The following SDCCAG8 variants were observed in gnomAD, a reference collection of about 807,000 sequenced individuals.
The protein encoded by SDCCAG8 is SHH signaling and ciliogenesis regulator SDCCAG8.
A neutral mutation model predicts 101.8 loss-of-function variants in SDCCAG8; 74 were observed. The ratio of observed to expected loss-of-function variants is 0.73; its 90% confidence interval spans 0.60 to 0.88. SDCCAG8 has a LOEUF of 0.88. Among genes scored for constraint, SDCCAG8 ranks in the 40% least tolerant of loss-of-function variants. The pLI is 0.00. For synonymous variants in SDCCAG8, 281 were observed against 292.9 expected (o/e 0.96, Z 0.41); for missense variants, 787 against 822.6 (o/e 0.96, Z 0.53).
intron 16 of SDCCAG8, among the ~76,000 whole-genome samples, chr1:243,486,506 C>T (rs1363793949): frequency 6.6e-6 from 1 of 152,166 alleles, no homozygotes. Context: ...CTTCCCAGGC[C>T]CCCAGGTTGC....
Position 243,341,139 on chromosome 1 carries a change from G to GC in SDCCAG8, c.1324dup (p.Gln442ProfsTer22), listed in dbSNP as rs747911477. Reference sequence around the variant, plus strand: ...ATTAATCAACTGGAGGAAATTCAAAGCCAGCTGGCTTCTCGGGAAATGGAT... The same window carrying GC: ...ATTAATCAACTGGAGGAAATTCAAAGCCCAGCTGGCTTCTCGGGAAATGGAT... On this transcript the variant is annotated frameshift_variant, in exon 11 of 18. Transcript: ENST00000366541. LOFTEE classifies it high-confidence loss of function. 5 of 1,613,994 alleles carry GC rather than the reference G, an allele frequency of 3.1e-6. No individual in the cohort carries two copies. The highest frequency in any genetic ancestry group is 8.5e-7 in the Non-Finnish European group (1 of 1,179,990).
intron 12 of SDCCAG8, among the ~76,000 whole-genome samples, chr1:243,360,432 G>T (rs144596838): frequency 6.6e-6 from 1 of 151,866 alleles, no homozygotes; most frequent in African/African-American, 2.4e-5. Flanking sequence ...GATTACAGGC[G>T]TGAGCCCCCA....
At chr1:243,392,795 G>A (rs2078781938) in intron 13 of SDCCAG8, among the ~76,000 whole-genome samples, 1 of 152,288 alleles carries the variant, frequency 6.6e-6, no homozygotes, top group African/African-American at 2.4e-5. Context: ...AGGAATGGTT[G>A]GGACTATGTT....
At chr1:243,256,338 C>A in intron 1 of SDCCAG8, 98 bp downstream of exon 1, 2 of 926,010 alleles carry the variant, frequency 2.2e-6, no homozygotes, top group South Asian at 2.6e-5. Context: ...GGTTCTGCCC[C>A]GTCCACGCTA....
At chr1:243,283,205 CTT>C (rs950353213) in intron 4 of SDCCAG8, among the ~76,000 whole-genome samples, 4 of 151,886 alleles carry the variant, frequency 2.6e-5, no homozygotes, top group African/African-American at 9.7e-5. Context: ...AGATTTTTCT[CTT>C]TGTCTTTGAT....
rs200294385 is a variant in SDCCAG8 at position 243,316,769 on chromosome 1, T to C, written c.944T>C (p.Leu315Ser). ...IERLVKERDD[L>S]MSALVSVRSS... is the part of the protein sequence containing the mutation. ...TGTGCTGACAGAGAAAGAGATGACT[T>C]GATGTCTGCACTAGTTTCCGTAAGG... Residue 315 changes from leucine (L) to serine (S), a missense_variant, in exon 9 of 18, where the codon TTG (leucine) becomes TCG (serine). By Grantham distance (145) the Leu-to-Ser change is moderately radical (BLOSUM62 -2). Coordinates refer to ENST00000366541, the MANE Select transcript of SDCCAG8 (RefSeq NM_006642.5). 1.1e-4 allele frequency: 183 copies of C among 1,614,062 alleles called. No individual in the cohort carries two copies. The highest frequency in any genetic ancestry group is 1.5e-4 in the Non-Finnish European group (176 of 1,180,016).
intron 13 of SDCCAG8, among the ~76,000 whole-genome samples, chr1:243,402,406 TAA>T (rs201645972): frequency 0.026 from 3,229 of 123,170 alleles, 49 homozygotes; most frequent in Non-Finnish European, 0.038. Flanking sequence ...CTGTCTCAAT[TAA>T]AAAAAAAAAA....
intron 17 of SDCCAG8, among the ~76,000 whole-genome samples, chr1:243,498,388 C>T (rs573489138): frequency 3.3e-5 from 5 of 152,278 alleles, no homozygotes; most frequent in African/African-American, 1.2e-4. Flanking sequence ...CCCGTGGGCC[C>T]AGGAAATTGT....
At chr1:243,348,308 C>G (rs910361259) in intron 12 of SDCCAG8, among the ~76,000 whole-genome samples, 1 of 151,534 alleles carries the variant, frequency 6.6e-6, no homozygotes, top group African/African-American at 2.4e-5. Context: ...CCTCGGCCTC[C>G]CAAAGTGCTG....
intron 16 of SDCCAG8, among the ~76,000 whole-genome samples, chr1:243,467,541 A>C (rs531961550): frequency 6.6e-6 from 1 of 152,218 alleles, no homozygotes; most frequent in Non-Finnish European, 1.5e-5. Flanking sequence ...GTGCACCGCA[A>C]ATCCACATTT....
At chr1:243,413,580 A>G (rs1409378752) in intron 13 of SDCCAG8, among the ~76,000 whole-genome samples, 1 of 152,170 alleles carries the variant, frequency 6.6e-6, no homozygotes, top group African/African-American at 2.4e-5. Context: ...ACCCCTTTAC[A>G]TTGGGGAACT....
At chr1:243,499,433 G>A (rs1668944898) in intron 17 of SDCCAG8, among the ~76,000 whole-genome samples, 2 of 152,216 alleles carry the variant, frequency 1.3e-5, no homozygotes, top group Admixed American at 1.3e-4. Context: ...ACAAATCAAT[G>A]TGTCCTTTCC....
At chr1:243,427,096 T>C (rs2081391106) in intron 16 of SDCCAG8, among the ~76,000 whole-genome samples, 1 of 152,216 alleles carries the variant, frequency 6.6e-6, no homozygotes, top group Non-Finnish European at 1.5e-5. Context: ...GCGCTAATCA[T>C]ATCTACTTTG....
At chr1:243,480,624 T>TGGATGGGGG (rs1558527831) in intron 16 of SDCCAG8, among the ~76,000 whole-genome samples, 4 of 3,464 alleles carry the variant, frequency 1.2e-3, no homozygotes, top group African/African-American at 2.2e-3. Context: ...GGATGGGTGG[T>TGGATGGGGG]ATGGATGGAT....
intron 6 of SDCCAG8, among the ~76,000 whole-genome samples, chr1:243,297,730 C>G (rs1162971420): frequency 6.6e-6 from 1 of 152,102 alleles, no homozygotes; most frequent in Non-Finnish European, 1.5e-5. Context: ...CATTTGATGC[C>G]TCTTCTGTGA....
chr1:243,303,876 C>CA (rs1573117791), intron 6 of SDCCAG8, among the ~76,000 whole-genome samples: 1 of 152,044 alleles, frequency 6.6e-6, no homozygotes, highest in African/African-American at 2.4e-5. Flanking sequence ...GGTTCGAGAC[C>CA]AGCCTAGCCA....
intron 17 of SDCCAG8, among the ~76,000 whole-genome samples, chr1:243,495,613 C>G (rs1160925543): frequency 6.6e-6 from 1 of 152,180 alleles, no homozygotes; most frequent in African/African-American, 2.4e-5. Flanking sequence ...GAACTTCAGT[C>G]GCTGTGCTGG....
intron 6 of SDCCAG8, among the ~76,000 whole-genome samples, chr1:243,298,350 CTTTTTTTTTT>C (rs35061154): frequency 1.2e-4 from 6 of 51,078 alleles, no homozygotes; most frequent in Admixed American, 3.1e-4. Flanking sequence ...CGCACCCTGC[CTTTTTTTTTT>C]TTTTTTTTTT....
chr1:243,466,437 T>A (rs1345422647), intron 16 of SDCCAG8, among the ~76,000 whole-genome samples: 1 of 152,230 alleles, frequency 6.6e-6, no homozygotes, highest in Non-Finnish European at 1.5e-5. Context: ...GGTTCTGAAC[T>A]CAGACAGTTT....
Sources: allele counts gnomAD v4.1 joint callset (sites outside exome capture counted in the v4.1 genomes callset), GRCh38; gene constraint gnomAD v4.1.1; transcripts MANE v1.5; gene names NCBI Gene and HGNC (gene_info 2026-07-23, HGNC 2026-07-21).